The following SPIDR variants were observed in gnomAD, a reference collection of about 807,000 sequenced individuals.
SPIDR encodes the protein scaffold protein involved in DNA repair, also known as DNA repair-scaffolding protein.
Under a neutral mutation model 104.6 loss-of-function variants are expected in SPIDR, and 93 were observed. The observed-to-expected ratio is 0.89, with a 90% CI of 0.75 to 1.06. The LOEUF (loss-of-function observed/expected upper bound fraction) is 1.06. Ranked by LOEUF, SPIDR falls within the 50% of genes least tolerant of loss-of-function variation. The pLI is 0.00. For missense variants in SPIDR, 1,154 were observed against 1,111.2 expected (o/e 1.04, Z -0.55); for synonymous variants, 431 against 416.9 (o/e 1.03, Z -0.41).
At chr8:47,382,618 G>A (rs1228774712) in intron 5 of SPIDR, among the ~76,000 whole-genome samples, 1 of 151,980 alleles carries the variant, frequency 6.6e-6, no homozygotes. Context: ...TCACCATGTC[G>A]GCTAGGATGG....
intron 8 of SPIDR, among the ~76,000 whole-genome samples, chr8:47,461,596 C>A (rs1353093805): frequency 6.6e-6 from 1 of 152,198 alleles, no homozygotes; most frequent in Non-Finnish European, 1.5e-5. Context: ...AGGTGTGAGC[C>A]ACTGCGCCCA....
At chr8:47,567,147 T>G (rs2057959166) in intron 8 of SPIDR, among the ~76,000 whole-genome samples, 1 of 152,042 alleles carries the variant, frequency 6.6e-6, no homozygotes, top group Non-Finnish European at 1.5e-5. Flanking sequence ...GGAGGTCTTT[T>G]TTTCTGGTTG....
intron 8 of SPIDR, among the ~76,000 whole-genome samples, chr8:47,504,289 G>A (rs1375381449): frequency 6.6e-6 from 1 of 152,012 alleles, no homozygotes; most frequent in African/African-American, 2.4e-5. Context: ...ACATAGATTT[G>A]GTCTTTTCAC....
chr8:47,733,110 G>GAC (rs2085536308), intron 19 of SPIDR, among the ~76,000 whole-genome samples: 1 of 152,178 alleles, frequency 6.6e-6, no homozygotes, highest in African/African-American at 2.4e-5. Flanking sequence ...TTATTACTTG[G>GAC]ACACAGTGGC....
intron 8 of SPIDR, among the ~76,000 whole-genome samples, chr8:47,486,551 C>A (rs1036858394): frequency 6.6e-6 from 1 of 152,114 alleles, no homozygotes; most frequent in Non-Finnish European, 1.5e-5. Flanking sequence ...ATAATTGTCA[C>A]ATTCACCAAG....
chr8:47,536,316 A>G (rs758621835), intron 8 of SPIDR, among the ~76,000 whole-genome samples: 26 of 152,196 alleles, frequency 1.7e-4, no homozygotes, highest in Non-Finnish European at 2.8e-4. Context: ...GTTGAAATGC[A>G]AAATACCTAC....
At chr8:47,575,656 A>AG (rs2059013964) in intron 8 of SPIDR, among the ~76,000 whole-genome samples, 1 of 143,320 alleles carries the variant, frequency 7.0e-6, no homozygotes, top group African/African-American at 2.6e-5. Context: ...CAAAAAAAAA[A>AG]AAAAAAAGAA....
chr8:47,503,144 C>T (rs1231122444), intron 8 of SPIDR, among the ~76,000 whole-genome samples: 1 of 152,142 alleles, frequency 6.6e-6, no homozygotes, highest in Non-Finnish European at 1.5e-5. Context: ...CTGTAGATGC[C>T]TATTAGTTCC....
At chr8:47,670,786 A>G (rs2075689211) in intron 10 of SPIDR, among the ~76,000 whole-genome samples, 1 of 152,118 alleles carries the variant, frequency 6.6e-6, no homozygotes, top group Non-Finnish European at 1.5e-5. Flanking sequence ...AATATTATTA[A>G]TTGTGTTGTT....
intron 17 of SPIDR, 87 bp downstream of exon 17, chr8:47,727,380 A>C: frequency 8.0e-7 from 1 of 1,242,550 alleles, no homozygotes; most frequent in Non-Finnish European, 1.2e-6. Context: ...TTGCTACCTC[A>C]GGTGACTCCC....
At chr8:47,623,946 C>A (rs2065569570) in intron 10 of SPIDR, among the ~76,000 whole-genome samples, 1 of 152,198 alleles carries the variant, frequency 6.6e-6, no homozygotes, top group Admixed American at 6.5e-5. Context: ...CTTTTCAGCA[C>A]CACAACACAC....
At chr8:47,368,853 G>A (rs1554636670) in intron 5 of SPIDR, among the ~76,000 whole-genome samples, 4 of 152,168 alleles carry the variant, frequency 2.6e-5, no homozygotes, top group Non-Finnish European at 5.9e-5. Context: ...ATAAATAGGT[G>A]AGATACGAAG....
chr8:47,586,767 G>A (rs1264159898), intron 8 of SPIDR, among the ~76,000 whole-genome samples: 2 of 151,960 alleles, frequency 1.3e-5, no homozygotes, highest in Non-Finnish European at 2.9e-5. Context: ...AGTTTTTTTT[G>A]TTGTTGTTAG....
chr8:47,454,229 A>G (rs1238259673), intron 8 of SPIDR, among the ~76,000 whole-genome samples: 2 of 152,198 alleles, frequency 1.3e-5, no homozygotes, highest in Admixed American at 6.5e-5. Context: ...AACCAACCCA[A>G]ATGTCCATCA....
chr8:47,716,099 G>A lies in SPIDR; in HGVS notation c.2341+2458G>A, dbSNP rs549546395. ...CCTGCCTCAGCCTCCCAAGTAGCTG[G>A]GACTACAGGCATGCACCACCACACC... On this transcript the variant is annotated intron_variant, in intron 16 of 19. Coordinates refer to ENST00000297423, the MANE Select transcript of SPIDR (RefSeq NM_001080394.4). 8.6e-5 allele frequency among the ~76,000 whole-genome samples: 13 copies of A among 151,798 alleles called. No individual in the cohort carries two copies. In the East Asian group the frequency reaches 2.5e-3, roughly 29 times the overall value.
intron 2 of SPIDR, among the ~76,000 whole-genome samples, chr8:47,280,348 G>C (rs1426569254): frequency 6.6e-6 from 1 of 150,478 alleles, no homozygotes; most frequent in Non-Finnish European, 1.5e-5. Flanking sequence ...TTGCCTCAGC[G>C]TGTCAAATAG....
At chr8:47,708,260 C>G (rs2081351860) in intron 14 of SPIDR, among the ~76,000 whole-genome samples, 1 of 152,260 alleles carries the variant, frequency 6.6e-6, no homozygotes, top group South Asian at 2.1e-4. Context: ...AATTGTGCCA[C>G]TACACTCCAG....
chr8:47,494,687 AGT>A (rs2079187991), intron 8 of SPIDR, among the ~76,000 whole-genome samples: 1 of 152,102 alleles, frequency 6.6e-6, no homozygotes, highest in African/African-American at 2.4e-5. Flanking sequence ...AAGTGTTTCT[AGT>A]AAGTGGCATG....
At chr8:47,466,694 C>G (rs1339927305) in intron 8 of SPIDR, among the ~76,000 whole-genome samples, 2 of 145,032 alleles carry the variant, frequency 1.4e-5, no homozygotes, top group African/African-American at 2.8e-5. Context: ...AACCCCGTCT[C>G]TACGAAAAAT....
Sources: allele counts gnomAD v4.1 joint callset (sites outside exome capture counted in the v4.1 genomes callset), GRCh38; gene constraint gnomAD v4.1.1; transcripts MANE v1.5; gene names NCBI Gene and HGNC (gene_info 2026-07-23, HGNC 2026-07-21).